Variants in XRN1 observed in about 807,000 individuals in gnomAD.
XRN1 encodes 5'-3' exoribonuclease 1.
A neutral mutation model predicts 222.3 loss-of-function variants in XRN1; 67 were observed. The ratio of observed to expected loss-of-function variants is 0.30; its 90% confidence interval spans 0.25 to 0.37. XRN1 has a LOEUF of 0.37. Ranked by LOEUF, XRN1 falls within the 10% of genes least tolerant of loss-of-function variation. The pLI is 1.00. For synonymous variants in XRN1, 643 were observed against 652.4 expected, an observed-to-expected ratio of 0.99 and a Z score of 0.22; for missense variants, 1,707 against 2,000.2, an observed-to-expected ratio of 0.85 and a Z score of 2.80.
intron 1 of XRN1, among the ~76,000 whole-genome samples, chr3:142,437,168 T>A (rs943509034): frequency 3.6e-4 from 55 of 152,364 alleles, no homozygotes; most frequent in African/African-American, 1.0e-3. Flanking sequence ...GTTTCTCTTC[T>A]CAGTTATTAC....
At chr3:142,342,214 A>G (rs2066014091) in intron 33 of XRN1, among the ~76,000 whole-genome samples, 1 of 152,238 alleles carries the variant, frequency 6.6e-6, no homozygotes, top group Non-Finnish European at 1.5e-5. Flanking sequence ...ATAGCTACAG[A>G]TAAAACTAAT....
chr3:142,442,962 T>C (rs981218352), intron 1 of XRN1, among the ~76,000 whole-genome samples: 1 of 152,160 alleles, frequency 6.6e-6, no homozygotes, highest in African/African-American at 2.4e-5. Context: ...CTCAATCTCC[T>C]GACCTCGTGA....
At chr3:142,333,192 T>C (rs1246955007) in intron 34 of XRN1, 103 bp from the exon 35 acceptor site, 6 of 1,303,488 alleles carry the variant, frequency 4.6e-6, no homozygotes, top group Middle Eastern at 2.0e-4. Context: ...TTTCACTCAA[T>C]CATCTTCCCA....
chr3:142,339,099 T>A (rs2065918525), intron 33 of XRN1, among the ~76,000 whole-genome samples: 1 of 152,110 alleles, frequency 6.6e-6, no homozygotes, highest in Admixed American at 6.5e-5. Flanking sequence ...TAAACACAGG[T>A]TGACAGCCAG....
Position 142,355,196 on chromosome 3 carries a change from T to C in XRN1, c.3768+205A>G, listed in dbSNP as rs566146916. On this transcript the variant is annotated intron_variant, in intron 32 of 40. Coordinates refer to ENST00000392981, the MANE Select transcript of XRN1 (RefSeq NM_001282857.2). Reference sequence around the variant, plus strand: ...ACCTCAGTGTCACACAGTATATTCATGTAACAAACCTGTACATGTATCTCC... The same window carrying C: ...ACCTCAGTGTCACACAGTATATTCACGTAACAAACCTGTACATGTATCTCC... The C allele has an allele frequency of 1.0e-5, 3 of 289,026 alleles. No individual in the cohort carries two copies. In the East Asian group the frequency reaches 1.8e-4, roughly 18 times the overall value. 17.9% of individuals were successfully genotyped at this position (289,026 alleles called of 1,614,324 possible).
intron 34 of XRN1, 36 bp downstream of exon 34, chr3:142,335,412 A>T (rs369667413): frequency 3.8e-6 from 6 of 1,594,738 alleles, no homozygotes; most frequent in Non-Finnish European, 5.2e-6. Context: ...GCATTAAAAA[A>T]TTGGTAACTA....
intron 1 of XRN1, among the ~76,000 whole-genome samples, chr3:142,434,142 A>G (rs1559882792): frequency 6.6e-6 from 1 of 151,894 alleles, no homozygotes; most frequent in African/African-American, 2.4e-5. Context: ...GGGGTATTTT[A>G]TTTATTTTTA....
At chr3:142,388,128 G>C (rs1196243650) in intron 20 of XRN1, among the ~76,000 whole-genome samples, 1 of 152,098 alleles carries the variant, frequency 6.6e-6, no homozygotes, top group Non-Finnish European at 1.5e-5. Context: ...ACACAGGTTT[G>C]AATGACATAG....
chr3:142,385,568 G>A (rs987417861), intron 20 of XRN1, among the ~76,000 whole-genome samples: 2 of 152,102 alleles, frequency 1.3e-5, no homozygotes, highest in African/African-American at 2.4e-5. Context: ...GGCTGCTTTT[G>A]CGCTACATGG....
chr3:142,323,471 C>T (rs2107883934), intron 37 of XRN1, among the ~76,000 whole-genome samples: 1 of 152,138 alleles, frequency 6.6e-6, no homozygotes, highest in East Asian at 1.9e-4. Flanking sequence ...CGTGAGATAC[C>T]ATGCCCGGCC....
rs1026870440 is a variant in XRN1 at position 142,335,577 on chromosome 3, T to C, written c.3878-68A>G. The C allele has an allele frequency of 8.9e-6, 12 of 1,352,930 alleles. No individual in the cohort carries two copies. In the African/African-American group the frequency reaches 1.3e-4, roughly 15 times the overall value. The allele number at this position is 1,352,930 out of a possible 1,614,324, so 83.8% of individuals were successfully genotyped here. The stretch of plus-strand genomic sequence containing the variant: ...ACTGCACAATTAAAACTACCAAATA[T>C]TTATAATAGCAAGGCACTGTGTTAA... On this transcript the variant is annotated intron_variant, in intron 33 of 40. Transcript: ENST00000392981.
At chr3:142,400,975 C>G (rs2068107069) in intron 18 of XRN1, among the ~76,000 whole-genome samples, 1 of 151,228 alleles carries the variant, frequency 6.6e-6, no homozygotes, top group Admixed American at 6.6e-5. Context: ...TTACAAAATT[C>G]CATCTTCCAT....
chr3:142,313,053 T>C, intron 39 of XRN1: 1 of 1,462,752 alleles, frequency 6.8e-7, no homozygotes, highest in Non-Finnish European at 9.3e-7. Context: ...CAATTATATT[T>C]ATAAAAAAAA....
intron 1 of XRN1, 122 bp from the exon 2 acceptor site, chr3:142,433,015 A>T: frequency 1.4e-6 from 1 of 729,312 alleles, no homozygotes; most frequent in Non-Finnish European, 2.1e-6. Flanking sequence ...ATTATACAAA[A>T]ACTGAGTAAA....
rs1356352669 is a variant in XRN1, at chr3:142,391,745, AAAAAAT to A, written c.2339+5578_2339+5583del. Reference sequence around the variant, plus strand: ...TAAGACCCCGTCTCACTAAAAAAAAAAAAAATATATATATATATATATATATATATG... The same window carrying A: ...TAAGACCCCGTCTCACTAAAAAAAAAATATATATATATATATATATATATG... On this transcript the variant is annotated intron_variant, in intron 20 of 40. Coordinates refer to ENST00000392981, the MANE Select transcript of XRN1 (RefSeq NM_001282857.2). 3.9e-3 allele frequency among the ~76,000 whole-genome samples: 310 copies of A among 80,244 alleles called. 2 individuals are homozygous for A. Among genetic ancestry groups the A allele is most frequent in the African/African-American group, 0.01 (286 of 27,848 alleles). The allele number at this position is 80,244 out of a possible 152,430, so 52.6% of individuals were successfully genotyped here. A position where few individuals can be genotyped will look rare whatever the true frequency, so the allele number is the denominator to read the frequency against.
At chr3:142,442,893 C>A (rs2070297107) in intron 1 of XRN1, among the ~76,000 whole-genome samples, 1 of 152,116 alleles carries the variant, frequency 6.6e-6, no homozygotes, top group Admixed American at 6.5e-5. Flanking sequence ...AACACGACGC[C>A]CGGCTAATTT....
At chr3:142,379,211 C>A (rs2067229725) in intron 23 of XRN1, among the ~76,000 whole-genome samples, 1 of 152,148 alleles carries the variant, frequency 6.6e-6, no homozygotes, top group South Asian at 2.1e-4. Context: ...GCAGAGGTTG[C>A]ACTGAGCCAA....
rs1440540958 is a variant in XRN1, at chr3:142,309,766, GTGAAACAT to G, written c.*1737_*1744del. On this transcript the variant is annotated 3_prime_UTR_variant, in exon 41 of 41. Coordinates refer to ENST00000392981, the MANE Select transcript of XRN1 (RefSeq NM_001282857.2). ...CAATGCTGGAGTTTGTACAGCTGAG[GTGAAACAT>G]TTCACACTTTAAAGTAGGAAGAGGT... The G allele has an allele frequency of 2.6e-5, 4 of 152,174 alleles. No homozygotes were observed. Among genetic ancestry groups the G allele is most frequent in the Admixed American group, 2.6e-4 (4 of 15,268 alleles). The allele number at this position is 152,174 out of a possible 1,614,324, so 9.4% of individuals were successfully genotyped here.
chr3:142,332,864 C>G, intron 35 of XRN1, 103 bp downstream of exon 35: 1 of 1,477,850 alleles, frequency 6.8e-7, no homozygotes, highest in Non-Finnish European at 9.1e-7. Context: ...ATGTAACATA[C>G]CAGCCTCCAT....
Sources: gnomAD v4.1 joint callset for allele counts (sites outside exome capture counted in the v4.1 genomes callset) on GRCh38, gnomAD v4.1.1 for gene constraint, MANE v1.5 for transcripts, NCBI Gene and HGNC (gene_info 2026-07-23, HGNC 2026-07-21) for gene names.